Variants in GBE1 observed in about 807,000 individuals in gnomAD.
GBE1 encodes the protein 1,4-alpha-glucan branching enzyme 1.
Under a neutral mutation model 88.8 loss-of-function variants are expected in GBE1, and 70 were observed. The observed-to-expected ratio is 0.79, with a 90% confidence interval of 0.65 to 0.96. The LOEUF is 0.96. Ranked by LOEUF, GBE1 falls within the 40% of genes least tolerant of loss-of-function variation. GBE1 has a pLI of 0.00. For synonymous variants in GBE1, 284 were observed against 300.1 expected (o/e 0.95, Z 0.56); for missense variants, 872 against 871.0 (o/e 1.00, Z -0.01).
intron 12 of GBE1, among the ~76,000 whole-genome samples, chr3:81,577,340 G>A (rs1057166516): frequency 2.0e-5 from 3 of 151,982 alleles, no homozygotes; most frequent in Non-Finnish European, 4.4e-5. Flanking sequence ...CCTAAAACTC[G>A]AATGTTTCAA....
At chr3:81,615,199 C>T (rs933932462) in intron 7 of GBE1, among the ~76,000 whole-genome samples, 1 of 152,002 alleles carries the variant, frequency 6.6e-6, no homozygotes, top group African/African-American at 2.4e-5. Context: ...AATTTGTATG[C>T]AAAACCAAAA....
At chr3:81,606,217 T>C (rs1281657311) in intron 7 of GBE1, among the ~76,000 whole-genome samples, 4 of 152,222 alleles carry the variant, frequency 2.6e-5, no homozygotes, top group Admixed American at 2.0e-4. Context: ...TGATGAAATT[T>C]AGAGAATTCA....
At chr3:81,760,438 C>T (rs918750208) in intron 1 of GBE1, among the ~76,000 whole-genome samples, 1 of 152,140 alleles carries the variant, frequency 6.6e-6, no homozygotes, top group African/African-American at 2.4e-5. Context: ...TTCCATCACT[C>T]GAAAAATTGG....
At chr3:81,734,399 C>T (rs1416295737) in intron 1 of GBE1, among the ~76,000 whole-genome samples, 1 of 150,754 alleles carries the variant, frequency 6.6e-6, no homozygotes, top group African/African-American at 2.5e-5. Context: ...TTTAATTAAA[C>T]ACAAGTCATT....
At chr3:81,532,486 A>G (rs1703023132) in intron 14 of GBE1, among the ~76,000 whole-genome samples, 1 of 152,118 alleles carries the variant, frequency 6.6e-6, no homozygotes, top group East Asian at 1.9e-4. Context: ...TACTTTTTCT[A>G]TTCTATTGAC....
At chr3:81,668,709 G>C (rs1013595662) in intron 3 of GBE1, among the ~76,000 whole-genome samples, 4 of 152,124 alleles carry the variant, frequency 2.6e-5, no homozygotes, top group Non-Finnish European at 1.5e-5. Context: ...AGAGGGAAAG[G>C]AGCTTTATGT....
chr3:81,560,982 C>A (rs1268798809), intron 12 of GBE1, among the ~76,000 whole-genome samples: 1 of 151,882 alleles, frequency 6.6e-6, no homozygotes, highest in South Asian at 2.1e-4. Flanking sequence ...ACTTATACTT[C>A]TATGGGTACA....
At chr3:81,721,138 A>G (rs1025722176) in intron 1 of GBE1, among the ~76,000 whole-genome samples, 9 of 109,544 alleles carry the variant, frequency 8.2e-5, no homozygotes, top group Non-Finnish European at 1.4e-4. Flanking sequence ...CCAGCATGGC[A>G]CATGTATACA....
intron 14 of GBE1, among the ~76,000 whole-genome samples, chr3:81,522,413 A>G (rs1342422597): frequency 1.3e-5 from 2 of 151,472 alleles, no homozygotes; most frequent in Non-Finnish European, 3.0e-5. Context: ...GGGAGGGTGG[A>G]GCAGAGTACC....
chr3:81,495,173 G>GAGGTCAAAC (rs1312791719), intron 15 of GBE1, among the ~76,000 whole-genome samples: 1 of 152,174 alleles, frequency 6.6e-6, no homozygotes, highest in Non-Finnish European at 1.5e-5. Flanking sequence ...TGGATCACCT[G>GAGGTCAAAC]AGGTCAGGAG....
intron 14 of GBE1, among the ~76,000 whole-genome samples, chr3:81,499,814 G>A (rs908272572): frequency 8.5e-5 from 13 of 152,136 alleles, no homozygotes; most frequent in Non-Finnish European, 2.9e-5. Context: ...TTGTTAGATA[G>A]TATTAGCATA....
intron 7 of GBE1, among the ~76,000 whole-genome samples, chr3:81,634,787 A>G (rs967685566): frequency 6.6e-6 from 1 of 152,208 alleles, no homozygotes; most frequent in Non-Finnish European, 1.5e-5. Context: ...TCCAAATGTC[A>G]CATGGTGGGA....
intron 1 of GBE1, among the ~76,000 whole-genome samples, chr3:81,752,203 GA>G (rs926851062): frequency 2.6e-5 from 4 of 151,268 alleles, no homozygotes; most frequent in Non-Finnish European, 4.4e-5. Flanking sequence ...AGCAAGAGAG[GA>G]AAAAAAAGAG....
chr3:81,700,023 C>T (rs562281817), intron 2 of GBE1, among the ~76,000 whole-genome samples: 4 of 152,240 alleles, frequency 2.6e-5, no homozygotes, highest in African/African-American at 9.6e-5. Context: ...CTCTTTCTCT[C>T]TCTCATGTGA....
At chr3:81,572,037 T>C (rs1207035225) in intron 12 of GBE1, among the ~76,000 whole-genome samples, 2 of 152,176 alleles carry the variant, frequency 1.3e-5, no homozygotes, top group Non-Finnish European at 2.9e-5. Flanking sequence ...CAGGTGGAGA[T>C]AACAGAATCA....
chr3:81,643,324 C>T (rs1360766417), intron 6 of GBE1, among the ~76,000 whole-genome samples: 1 of 152,108 alleles, frequency 6.6e-6, no homozygotes, highest in Non-Finnish European at 1.5e-5. Flanking sequence ...GCTCTGTTTG[C>T]CCACTGCCCA....
At chr3:81,687,916 C>G (rs1322216914) in intron 2 of GBE1, among the ~76,000 whole-genome samples, 1 of 152,132 alleles carries the variant, frequency 6.6e-6, no homozygotes, top group African/African-American at 2.4e-5. Context: ...AAAAATTCTG[C>G]CACAGCAATC....
intron 5 of GBE1, among the ~76,000 whole-genome samples, chr3:81,646,918 T>C (rs958248051): frequency 6.6e-6 from 1 of 151,188 alleles, no homozygotes; most frequent in African/African-American, 2.4e-5. Flanking sequence ...CCATATAGCA[T>C]AAGAAATAGC....
At chr3:81,529,347 CAACACAGTTGAGGCCTTAT>C (rs1311132431) in intron 14 of GBE1, among the ~76,000 whole-genome samples, 1 of 151,934 alleles carries the variant, frequency 6.6e-6, no homozygotes, top group Non-Finnish European at 1.5e-5. Context: ...TTAGTTCGTG[CAACACAGTTGAGGCCTTAT>C]CATATTCCAT....
Sources: allele counts gnomAD v4.1 joint callset (sites outside exome capture counted in the v4.1 genomes callset), GRCh38; gene constraint gnomAD v4.1.1; transcripts MANE v1.5; gene names NCBI Gene and HGNC (gene_info 2026-07-23, HGNC 2026-07-21).